Variants in MPHOSPH9 observed in about 807,000 individuals in gnomAD.
MPHOSPH9 encodes M-phase phosphoprotein 9.
MPHOSPH9 carries 88 observed loss-of-function variants against 145.5 expected under a neutral mutation model. That is an observed-to-expected ratio of 0.60 (90% CI 0.51 to 0.72). MPHOSPH9 has a LOEUF of 0.72. Among genes scored for constraint, MPHOSPH9 ranks in the 30% least tolerant of loss-of-function variants. MPHOSPH9 has a pLI of 0.00. For missense variants in MPHOSPH9, 1,238 were observed against 1,386.6 expected (o/e 0.89, Z 1.70); for synonymous variants, 435 against 486.2 (o/e 0.89, Z 1.39).
intron 7 of MPHOSPH9, 76 bp downstream of exon 7, chr12:123,214,666 AAT>A (rs1276357281): frequency 3.5e-6 from 4 of 1,153,744 alleles, no homozygotes; most frequent in Non-Finnish European, 5.1e-6. Flanking sequence ...TTTTAAAAAT[AAT>A]GCTCTAAAAA....
chr12:123,243,030 C>G (rs1333180549), intron 1 of MPHOSPH9, among the ~76,000 whole-genome samples: 1 of 152,154 alleles, frequency 6.6e-6, no homozygotes. Context: ...CTCAATCTTT[C>G]GTAGGTAAGG....
At chr12:123,208,077 G>A (rs564118569) in intron 8 of MPHOSPH9, among the ~76,000 whole-genome samples, 1 of 150,730 alleles carries the variant, frequency 6.6e-6, no homozygotes, top group East Asian at 2.0e-4. Context: ...AATTAGCCAG[G>A]CATGGTGGCG....
chr12:123,240,847 C>G (rs578089870), intron 1 of MPHOSPH9, among the ~76,000 whole-genome samples: 8 of 149,840 alleles, frequency 5.3e-5, no homozygotes, highest in African/African-American at 2.0e-4. Flanking sequence ...GATTCTCCTG[C>G]CTCAGCCTCA....
chr12:123,196,807 A>G (rs1374539916), intron 12 of MPHOSPH9, among the ~76,000 whole-genome samples: 1 of 152,176 alleles, frequency 6.6e-6, no homozygotes, highest in Non-Finnish European at 1.5e-5. Flanking sequence ...CACAGAATGA[A>G]ATATATTCAG....
At chr12:123,207,239 C>T (rs1593190775) in intron 8 of MPHOSPH9, among the ~76,000 whole-genome samples, 1 of 151,054 alleles carries the variant, frequency 6.6e-6, no homozygotes, top group Non-Finnish European at 1.5e-5. Context: ...TTGACAATAC[C>T]GTAGAGTCAA....
chr12:123,172,452 C>T (rs2044625010), intron 16 of MPHOSPH9, among the ~76,000 whole-genome samples: 1 of 152,002 alleles, frequency 6.6e-6, no homozygotes. Context: ...CCTGCCTCAG[C>T]CTCCTGAGTA....
rs138997931 is a variant in MPHOSPH9 at position 123,200,147 on chromosome 12, G to C, written c.1938-1813C>G. 2.9e-3 allele frequency among the ~76,000 whole-genome samples: 440 copies of C among 152,260 alleles called. 10 individuals are homozygous for C. In the East Asian group the frequency reaches 0.063, roughly 22 times the overall value. On this transcript the variant is annotated intron_variant, in intron 11 of 23. Coordinates refer to ENST00000606320, the MANE Select transcript of MPHOSPH9 (RefSeq NM_022782.4). ...TCACAGCTGGCTAATGGCTCCATTT[G>C]TAACACCAGGGGGATTCTCCAATTT...
At chr12:123,225,954 TGAACCTGG>T (rs1244888150) in intron 3 of MPHOSPH9, among the ~76,000 whole-genome samples, 3 of 152,196 alleles carry the variant, frequency 2.0e-5, no homozygotes, top group African/African-American at 7.2e-5. Flanking sequence ...GAGAATCACT[TGAACCTGG>T]GAGGCAGTGG....
intron 16 of MPHOSPH9, among the ~76,000 whole-genome samples, chr12:123,173,425 G>T (rs969503866): frequency 1.2e-4 from 18 of 152,090 alleles, no homozygotes; most frequent in African/African-American, 3.1e-4. Context: ...ACCTTACCAG[G>T]GTAGGACTCT....
Position 123,165,444 on chromosome 12 carries a change from A to G in MPHOSPH9, c.2625T>C (p.Pro875=). The G allele has an allele frequency of 1.2e-6, 2 of 1,613,930 alleles. No homozygotes were observed. The highest frequency in any genetic ancestry group is 1.1e-5 in the South Asian group (1 of 91,082). ...TCAACAAGCTTGTTGATGAACTTCCAGGTGAAGAATCCTTTTCCAGAGGTG... is the reference window on the plus strand; with the variant it reads ...TCAACAAGCTTGTTGATGAACTTCCGGGTGAAGAATCCTTTTCCAGAGGTG... ...HRSPLEKDSS[P]GSSSTSLLIK... The change falls in exon 18 of 24, where the codon CCT becomes CCC. Residue 875 remains proline (P), a synonymous_variant. Coordinates refer to ENST00000606320, the MANE Select transcript of MPHOSPH9 (RefSeq NM_022782.4).
intron 2 of MPHOSPH9, among the ~76,000 whole-genome samples, chr12:123,227,992 T>C (rs2047494637): frequency 6.6e-6 from 1 of 152,206 alleles, no homozygotes; most frequent in Non-Finnish European, 1.5e-5. Context: ...CAGTGGGGAT[T>C]CTTTCCCCAC....
chr12:123,194,387 T>C lies in MPHOSPH9; in HGVS notation c.2240A>G (p.Asp747Gly). The C allele has an allele frequency of 1.3e-6, 2 of 1,578,120 alleles. No homozygotes were observed. The highest frequency in any genetic ancestry group is 8.6e-7 in the Non-Finnish European group (1 of 1,159,452). Residue 747 changes from aspartate (D) to glycine (G), a missense_variant and splice_region_variant, in exon 13 of 24, where the codon GAT becomes GGT. By Grantham distance (94) the Asp-to-Gly change is moderately conservative. Coordinates refer to ENST00000606320, the MANE Select transcript of MPHOSPH9 (RefSeq NM_022782.4). ...AAGTTACTATTATTCGCTACTTACA[T>C]CTTGAAACATTTTGTTCTCTTGTTT... ...QLKQENKMFQ[D>G]LLGEYESLGK...
chr12:123,237,040 G>T (rs2063778356), upstream of MPHOSPH9, among the ~76,000 whole-genome samples: 1 of 151,532 alleles, frequency 6.6e-6, no homozygotes. Context: ...AGCTGAGATT[G>T]CGCCACTGCA....
chr12:123,239,486 T>C (rs2138748517), intron 1 of MPHOSPH9, among the ~76,000 whole-genome samples: 1 of 152,230 alleles, frequency 6.6e-6, no homozygotes, highest in Middle Eastern at 3.4e-3. Context: ...CACCGCAATC[T>C]CCACCTCCCA....
At chr12:123,241,559 C>T (rs540034845) in intron 1 of MPHOSPH9, among the ~76,000 whole-genome samples, 6 of 152,002 alleles carry the variant, frequency 3.9e-5, no homozygotes, top group Non-Finnish European at 8.8e-5. Flanking sequence ...AGGATGGTCT[C>T]GAATTCCTGA....
chr12:123,163,994 C>A lies in MPHOSPH9; in HGVS notation c.2864G>T (p.Arg955Ile), dbSNP rs1565897747. 1.9e-6 allele frequency: 3 copies of A among 1,614,120 alleles called. No homozygotes were observed. Among genetic ancestry groups the A allele is most frequent in the Non-Finnish European group, 2.5e-6 (3 of 1,180,006 alleles). Residue 955 changes from arginine (R) to isoleucine (I), a missense_variant, in exon 19 of 24, where the codon AGA (arginine) becomes ATA (isoleucine). Physicochemically the swap from Arg to Ile is moderately conservative, Grantham distance 97. Transcript: ENST00000606320. ...RQKRLNSASQ[R>I]SSSLPPSNRK... ...ATTTGAAGGTGGTAAAGATGATGAT[C>A]TCTGTGAGGCCGAATTAAGTCTCTT...
chr12:123,171,587 A>G (rs1017606131), intron 16 of MPHOSPH9, among the ~76,000 whole-genome samples: 2 of 152,104 alleles, frequency 1.3e-5, no homozygotes, highest in Non-Finnish European at 2.9e-5. Flanking sequence ...CATCTCTACT[A>G]AAAATACAAA....
At chr12:123,176,835 G>A in intron 15 of MPHOSPH9, 46 bp from the exon 16 acceptor site, 1 of 1,408,522 alleles carries the variant, frequency 7.1e-7, no homozygotes. Flanking sequence ...TTCAACAAAT[G>A]TAAAATATAG....
rs1297956066 is a variant in MPHOSPH9 at position 123,214,808 on chromosome 12, A to C, written c.1023T>G (p.Pro341=). 3.1e-6 allele frequency: 5 copies of C among 1,613,504 alleles called. No individual in the cohort carries two copies. The highest frequency in any genetic ancestry group is 3.4e-6 in the Non-Finnish European group (4 of 1,179,596). The change falls in exon 7 of 24, where the codon CCT becomes CCG. Residue 341 remains proline, a synonymous_variant. Transcript: ENST00000606320. The part of the protein sequence containing the change: ...EKSDFAAATH[P]RAFYLSKPDE... Reference sequence around the variant, plus strand: ...CTGGTTTACTGAGGTAAAAAGCACGAGGATGTGTAGCAGCAGCAAAATCAG... The same window carrying C: ...CTGGTTTACTGAGGTAAAAAGCACGCGGATGTGTAGCAGCAGCAAAATCAG...
Sources: gnomAD v4.1 joint callset for allele counts (sites outside exome capture counted in the v4.1 genomes callset) on GRCh38, gnomAD v4.1.1 for gene constraint, MANE v1.5 for transcripts, NCBI Gene and HGNC (gene_info 2026-07-23, HGNC 2026-07-21) for gene names.